The following PAK5 variants were observed in gnomAD, a reference collection of about 807,000 sequenced individuals.
The protein encoded by PAK5 is serine/threonine-protein kinase PAK 5.
In PAK5, 16 loss-of-function variants were observed where a neutral mutation model predicts 65.9. The observed-to-expected ratio is 0.24, with a 90% CI of 0.16 to 0.37. PAK5 has a LOEUF of 0.37. PAK5 is among the 10% of genes least tolerant of loss of function. The probability of loss-of-function intolerance (pLI) is 1.00; values close to 1 mark genes in which losing one functional copy is unlikely to be tolerated. For missense variants in PAK5, 785 were observed against 903.9 expected (o/e 0.87, Z 1.69); for synonymous variants, 371 against 354.9 (o/e 1.05, Z -0.51).
At chr20:9,672,131 A>G (rs945637708) in intron 2 of PAK5, among the ~76,000 whole-genome samples, 1 of 152,028 alleles carries the variant, frequency 6.6e-6, no homozygotes, top group Non-Finnish European at 1.5e-5. Context: ...CATATATTAT[A>G]GATTAATTCA....
At chr20:9,665,724 C>T (rs1304978732) in intron 2 of PAK5, among the ~76,000 whole-genome samples, 2 of 151,116 alleles carry the variant, frequency 1.3e-5, no homozygotes, top group East Asian at 3.9e-4. Flanking sequence ...GAACTTCTGG[C>T]CTCAAGCAAT....
intron 1 of PAK5, among the ~76,000 whole-genome samples, chr20:9,805,814 G>T (rs1175306490): frequency 6.6e-6 from 1 of 152,156 alleles, no homozygotes; most frequent in Non-Finnish European, 1.5e-5. Context: ...TTAGATAGTG[G>T]TGTTGGTTGC....
chr20:9,550,851 A>C (rs2045416563), intron 7 of PAK5, among the ~76,000 whole-genome samples: 1 of 152,076 alleles, frequency 6.6e-6, no homozygotes, highest in Admixed American at 6.6e-5. Flanking sequence ...GTTTGCCTAT[A>C]AATTTAAGAA....
chr20:9,815,477 A>C lies in PAK5; in HGVS notation c.-162+23285T>G, dbSNP rs150446069. On this transcript the variant is annotated intron_variant, in intron 1 of 9. Transcript: ENST00000353224. ...AGCAGCTCTACAAATCCATACACTC[A>C]GGTTTGGGCCATCCTCATTGCTCCA... 2.6e-3 allele frequency among the ~76,000 whole-genome samples: 391 copies of C among 152,194 alleles called. 1 individual carries two copies. The highest frequency in any genetic ancestry group is 9.1e-3 in the African/African-American group (377 of 41,522).
chr20:9,543,175 G>C (rs2045293828), intron 8 of PAK5, among the ~76,000 whole-genome samples: 1 of 152,108 alleles, frequency 6.6e-6, no homozygotes, highest in African/African-American at 2.4e-5. Context: ...TTATTAATTT[G>C]CTTTTAAAAA....
intron 7 of PAK5, among the ~76,000 whole-genome samples, chr20:9,553,582 A>G (rs2045463559): frequency 6.6e-6 from 1 of 152,070 alleles, no homozygotes; most frequent in African/African-American, 2.4e-5. Context: ...GTATATATAT[A>G]AATATATGGA....
chr20:9,798,178 G>A (rs997388381), intron 1 of PAK5, among the ~76,000 whole-genome samples: 2 of 152,060 alleles, frequency 1.3e-5, no homozygotes, highest in South Asian at 2.1e-4. Context: ...AGAAAATATA[G>A]GAAGACAATT....
Position 9,739,275 on chromosome 20 carries a change from C to T in PAK5, c.-161-27840G>A, listed in dbSNP as rs147081141. 3.9e-3 allele frequency among the ~76,000 whole-genome samples: 580 copies of T among 150,136 alleles called. 5 individuals are homozygous for T. The highest frequency in any genetic ancestry group is 0.014 in the African/African-American group (559 of 40,802). On this transcript the variant is annotated intron_variant, in intron 1 of 9. Coordinates refer to ENST00000353224, the MANE Select transcript of PAK5 (RefSeq NM_177990.4). ...AGCTTGAAACCATTTTCTAAGTGCT[C>T]ACTGACTTCTCTACTTGGCTAGAGC...
At chr20:9,630,082 C>A (rs921702047) in intron 3 of PAK5, among the ~76,000 whole-genome samples, 1 of 152,054 alleles carries the variant, frequency 6.6e-6, no homozygotes, top group African/African-American at 2.4e-5. Context: ...TTGAAGGAAC[C>A]CTCTGGTTTC....
At chr20:9,786,801 T>C (rs1338237402) in intron 1 of PAK5, among the ~76,000 whole-genome samples, 1 of 152,180 alleles carries the variant, frequency 6.6e-6, no homozygotes, top group Non-Finnish European at 1.5e-5. Context: ...TTTTTTAGTC[T>C]TGTATAATCC....
chr20:9,582,089 T>C (rs2045989182), intron 3 of PAK5, among the ~76,000 whole-genome samples: 1 of 152,180 alleles, frequency 6.6e-6, no homozygotes, highest in Non-Finnish European at 1.5e-5. Flanking sequence ...TATTCTAGAA[T>C]AGTTTTAGAT....
At chr20:9,722,320 G>C (rs1191161183) in intron 1 of PAK5, among the ~76,000 whole-genome samples, 2 of 152,054 alleles carry the variant, frequency 1.3e-5, no homozygotes, top group Admixed American at 1.3e-4. Flanking sequence ...AGAAAAGAGT[G>C]GTATAAAAAC....
chr20:9,553,619 T>C (rs889577195), intron 7 of PAK5, among the ~76,000 whole-genome samples: 1 of 152,214 alleles, frequency 6.6e-6, no homozygotes, highest in Non-Finnish European at 1.5e-5. Context: ...CCTTTTGAGA[T>C]TGGTGTTTTC....
chr20:9,699,776 G>T (rs1257946993), intron 2 of PAK5, among the ~76,000 whole-genome samples: 1 of 152,024 alleles, frequency 6.6e-6, no homozygotes, highest in Non-Finnish European at 1.5e-5. Flanking sequence ...GTCACATGGG[G>T]AATCAGAGTG....
chr20:9,691,007 G>A (rs750745160), intron 2 of PAK5, among the ~76,000 whole-genome samples: 9 of 151,606 alleles, frequency 5.9e-5, no homozygotes, highest in Admixed American at 1.3e-4. Flanking sequence ...CACCTGCCTC[G>A]GCCTCCCAAA....
intron 9 of PAK5, among the ~76,000 whole-genome samples, chr20:9,541,308 C>T (rs755092040): frequency 3.9e-5 from 6 of 152,124 alleles, no homozygotes; most frequent in Non-Finnish European, 5.9e-5. Context: ...ATCCTCTGAG[C>T]AAGTCCTTTG....
At chr20:9,630,987 G>T (rs1394200920) in intron 3 of PAK5, among the ~76,000 whole-genome samples, 1 of 152,194 alleles carries the variant, frequency 6.6e-6, no homozygotes, top group Non-Finnish European at 1.5e-5. Flanking sequence ...GAAAGGAATT[G>T]TGCCCCAACA....
intron 7 of PAK5, among the ~76,000 whole-genome samples, chr20:9,556,938 T>C (rs1304882307): frequency 1.3e-5 from 2 of 152,162 alleles, no homozygotes; most frequent in Non-Finnish European, 2.9e-5. Flanking sequence ...GGAGGATTTA[T>C]TCTCTCAGCT....
intron 1 of PAK5, among the ~76,000 whole-genome samples, chr20:9,795,099 C>G (rs1401194309): frequency 6.6e-6 from 1 of 151,956 alleles, no homozygotes; most frequent in Non-Finnish European, 1.5e-5. Context: ...TAACAAGAAC[C>G]TTGAATCTCT....
Sources: gnomAD v4.1 joint callset for allele counts (sites outside exome capture counted in the v4.1 genomes callset) on GRCh38, gnomAD v4.1.1 for gene constraint, MANE v1.5 for transcripts, NCBI Gene and HGNC (gene_info 2026-07-23, HGNC 2026-07-21) for gene names.